Variants in FHOD3 observed in about 807,000 individuals in gnomAD.
FHOD3 encodes FH1/FH2 domain-containing protein 3.
FHOD3 carries 90 observed loss-of-function variants against 173.0 expected under a neutral mutation model. That is an observed-to-expected ratio of 0.52 (90% CI 0.44 to 0.62). The LOEUF (loss-of-function observed/expected upper bound fraction) is 0.62, where lower values mean the gene tolerates loss of function less well. FHOD3 is among the 20% of genes least tolerant of loss of function. FHOD3 has a pLI of 0.00. For synonymous variants in FHOD3, 828 were observed against 823.0 expected, an observed-to-expected ratio of 1.01 and a Z score of -0.10; for missense variants, 1,945 against 2,034.7, an observed-to-expected ratio of 0.96 and a Z score of 0.85.
At chr18:36,759,220 A>G (rs1164070675) in intron 26 of FHOD3, 79 bp downstream of exon 26, 10 of 1,424,742 alleles carry the variant, frequency 7.0e-6, no homozygotes, top group Non-Finnish European at 9.6e-6. Context: ...CATAATCAGC[A>G]TGAAGTGTCA....
chr18:36,704,061 G>T (rs1323090006), intron 17 of FHOD3, among the ~76,000 whole-genome samples: 1 of 152,132 alleles, frequency 6.6e-6, no homozygotes, highest in Admixed American at 6.5e-5. Flanking sequence ...GTCTCTTTGA[G>T]GATACCCTGG....
At chr18:36,541,249 C>CAAAAA (rs770104487) in intron 5 of FHOD3, among the ~76,000 whole-genome samples, 9 of 40,048 alleles carry the variant, frequency 2.2e-4, no homozygotes, top group South Asian at 1.0e-3. Flanking sequence ...GACTCTGTCT[C>CAAAAA]AAAAAAAAAA....
rs545607918 is a variant in FHOD3 at position 36,589,461 on chromosome 18, A to T, written c.607-5326A>T. On this transcript the variant is annotated intron_variant, in intron 6 of 28. Coordinates refer to ENST00000590592, the MANE Select transcript of FHOD3 (RefSeq NM_001281740.3). ...AGCCATCACATGGTTCTTTTGCTCC[A>T]TGGAAGCTGGAAAGGGCTGGCTGGA... 8.9e-4 allele frequency among the ~76,000 whole-genome samples: 136 copies of T among 152,320 alleles called. 1 individual carries two copies. The highest frequency in any genetic ancestry group is 3.2e-3 in the African/African-American group (131 of 41,574).
intron 14 of FHOD3, among the ~76,000 whole-genome samples, chr18:36,658,584 A>G (rs1016251535): frequency 6.6e-6 from 1 of 152,226 alleles, no homozygotes; most frequent in African/African-American, 2.4e-5. Context: ...TAGTGGGCCC[A>G]TTAAGGTGCT....
intron 14 of FHOD3, among the ~76,000 whole-genome samples, chr18:36,679,420 T>G (rs2038087566): frequency 6.6e-6 from 1 of 152,144 alleles, no homozygotes; most frequent in Non-Finnish European, 1.5e-5. Flanking sequence ...GCTCTTTATT[T>G]TTTTCCTTTT....
chr18:36,470,345 C>T (rs111725526), intron 3 of FHOD3, among the ~76,000 whole-genome samples: 10 of 152,312 alleles, frequency 6.6e-5, no homozygotes, highest in African/African-American at 2.4e-4. Flanking sequence ...TCAGTTTCCC[C>T]AGATGTAATG....
rs775746153 is a variant in FHOD3, at chr18:36,372,697, G to A, written c.290G>A (p.Ser97Asn). The change falls in exon 3 of 29, where the codon AGC becomes AAC. Residue 97 changes from serine (S) to asparagine (N), a missense_variant. This residue lies in a region of FHOD3 where 245 missense variants were observed against 267.7 expected (regional missense o/e 0.92). Transcript: ENST00000590592. Reference protein sequence around the residue: ...QDDAGRGKKHSIILRTQLSVR... With the variant: ...QDDAGRGKKHNIILRTQLSVR... ...CTCGTTAGGCGGGGCAAGAAGCACA[G>A]CATCATCCTAAGGACGCAGCTGTCT... 1 of 1,613,988 alleles carries A rather than the reference G, an allele frequency of 6.2e-7. No homozygotes were observed. Among genetic ancestry groups the A allele is most frequent in the South Asian group, 1.1e-5 (1 of 91,034 alleles).
At chr18:36,305,803 C>G (rs2092079150) in intron 1 of FHOD3, among the ~76,000 whole-genome samples, 1 of 152,188 alleles carries the variant, frequency 6.6e-6, no homozygotes, top group African/African-American at 2.4e-5. Flanking sequence ...GAGCCACACA[C>G]AGCCTGCAGC....
intron 3 of FHOD3, among the ~76,000 whole-genome samples, chr18:36,466,081 G>T (rs1196173358): frequency 6.6e-6 from 1 of 152,050 alleles, no homozygotes; most frequent in Non-Finnish European, 1.5e-5. Flanking sequence ...ATGTGATCCT[G>T]ACATTACTGA....
chr18:36,546,549 G>A (rs1599597903), intron 5 of FHOD3, among the ~76,000 whole-genome samples: 1 of 152,160 alleles, frequency 6.6e-6, no homozygotes, highest in African/African-American at 2.4e-5. Context: ...GTTAGTGAGC[G>A]ACTCTAGGAA....
chr18:36,487,817 T>C (rs1026504332), intron 3 of FHOD3, among the ~76,000 whole-genome samples: 1 of 152,172 alleles, frequency 6.6e-6, no homozygotes, highest in South Asian at 2.1e-4. Flanking sequence ...GGCTTAGCCC[T>C]CCTTACCAGA....
At chr18:36,449,242 GTTTGACTACTAGATA>G (rs1392342116) in intron 3 of FHOD3, among the ~76,000 whole-genome samples, 1 of 151,974 alleles carries the variant, frequency 6.6e-6, no homozygotes, top group Admixed American at 6.6e-5. Flanking sequence ...GGCAATTCTG[GTTTGACTACTAGATA>G]ATTGAAATGG....
intron 3 of FHOD3, among the ~76,000 whole-genome samples, chr18:36,463,359 A>T (rs1026909577): frequency 1.5e-5 from 2 of 136,494 alleles, no homozygotes; most frequent in African/African-American, 6.0e-5. Context: ...ATTTTTATTT[A>T]AAAAAATAAT....
At chr18:36,755,482 C>A (rs1457919466) in intron 25 of FHOD3, among the ~76,000 whole-genome samples, 171 bp downstream of exon 25, 1 of 131,030 alleles carries the variant, frequency 7.6e-6, no homozygotes, top group Admixed American at 9.3e-5. Flanking sequence ...TCCACCATTT[C>A]TGTGAAAATC....
chr18:36,607,576 A>T (rs1056633902), intron 8 of FHOD3, among the ~76,000 whole-genome samples: 5 of 152,122 alleles, frequency 3.3e-5, no homozygotes, highest in African/African-American at 1.2e-4. Flanking sequence ...TTGCTTTCCA[A>T]AAGATGCTTT....
intron 3 of FHOD3, among the ~76,000 whole-genome samples, chr18:36,498,542 C>T (rs2054860469): frequency 1.3e-5 from 2 of 152,180 alleles, no homozygotes; most frequent in African/African-American, 2.4e-5. Flanking sequence ...TATGCCCATA[C>T]ATTTAACAAC....
At chr18:36,662,093 A>C (rs1252413339) in intron 14 of FHOD3, among the ~76,000 whole-genome samples, 2 of 152,234 alleles carry the variant, frequency 1.3e-5, no homozygotes, top group Non-Finnish European at 2.9e-5. Context: ...TATTCAAATG[A>C]AACAAACAAG....
In FHOD3 at chr18:36,742,814, G is replaced by A. The variant is rs564605912; in HGVS notation, c.3837G>A (p.Leu1279=). 1.2e-6 allele frequency: 2 copies of A among 1,613,944 alleles called. No homozygotes were observed. Among genetic ancestry groups the A allele is most frequent in the African/African-American group, 1.3e-5 (1 of 74,988 alleles). Residue 1279 remains leucine (L), a synonymous_variant, in exon 22 of 29, where the codon CTG becomes CTA. Transcript: ENST00000590592. ...LENNKTLGFI[L]STLLAIGNFL... ...ACAATAAAACCTTGGGCTTTATCCTGTCTACTCTCTTAGCCATTGGGAACT... is the reference window on the plus strand; with the variant it reads ...ACAATAAAACCTTGGGCTTTATCCTATCTACTCTCTTAGCCATTGGGAACT...
At chr18:36,556,181 A>G (rs1464656636) in intron 5 of FHOD3, among the ~76,000 whole-genome samples, 1 of 152,028 alleles carries the variant, frequency 6.6e-6, no homozygotes, top group East Asian at 1.9e-4. Flanking sequence ...TTTTAGCTGT[A>G]ATTCCATTAT....
Sources: allele counts gnomAD v4.1 joint callset (sites outside exome capture counted in the v4.1 genomes callset), GRCh38; gene constraint gnomAD v4.1.1; regional missense constraint gnomAD v4.1.1; transcripts MANE v1.5; gene names NCBI Gene and HGNC (gene_info 2026-07-23, HGNC 2026-07-21).